The following DPYD variants were observed in gnomAD, a reference collection of about 807,000 sequenced individuals.
DPYD encodes dihydropyrimidine dehydrogenase.
In DPYD, 109 loss-of-function variants were observed where a neutral mutation model predicts 116.2. The ratio of observed to expected loss-of-function variants is 0.94; its 90% confidence interval spans 0.80 to 1.10. The LOEUF is 1.10. Ranked by LOEUF, DPYD falls within the 50% of genes least tolerant of loss-of-function variation. The pLI is 0.00. For synonymous variants in DPYD, 440 were observed against 432.0 expected, an observed-to-expected ratio of 1.02 and a Z score of -0.23; for missense variants, 1,302 against 1,254.5, an observed-to-expected ratio of 1.04 and a Z score of -0.57.
intron 4 of DPYD, among the ~76,000 whole-genome samples, chr1:97,735,730 A>AT (rs1663906349): frequency 6.7e-6 from 1 of 150,160 alleles, no homozygotes; most frequent in African/African-American, 2.4e-5. Flanking sequence ...AAATAAATAA[A>AT]ACAATAAAAG....
chr1:97,354,849 C>T (rs1670342667), intron 16 of DPYD, among the ~76,000 whole-genome samples: 1 of 152,120 alleles, frequency 6.6e-6, no homozygotes, highest in Non-Finnish European at 1.5e-5. Context: ...TACTGAATAC[C>T]TGCCATGTAT....
intron 1 of DPYD, among the ~76,000 whole-genome samples, chr1:97,907,533 G>A (rs1673698888): frequency 6.6e-6 from 1 of 152,010 alleles, no homozygotes; most frequent in Non-Finnish European, 1.5e-5. Context: ...GACTTTAATA[G>A]CATATTTAGG....
rs904858846 is a variant in DPYD, at chr1:97,301,013, A to T, written c.2299+4246T>A. Reference sequence around the variant, plus strand: ...CCTATGTTGGATTTACAATGAAAACACCTTTAGGAAGCTAGTAACCATACA... The same window carrying T: ...CCTATGTTGGATTTACAATGAAAACTCCTTTAGGAAGCTAGTAACCATACA... On this transcript the variant is annotated intron_variant, in intron 18 of 22. Coordinates refer to ENST00000370192, the MANE Select transcript of DPYD (RefSeq NM_000110.4). Among the ~76,000 whole-genome samples, 31 of 151,970 alleles carry T rather than the reference A, an allele frequency of 2.0e-4. 1 individual carries two copies. The highest frequency in any genetic ancestry group is 7.5e-4 in the African/African-American group (31 of 41,422).
rs1269506595 is a variant in DPYD, at chr1:97,871,450, T to C, written c.150+11814A>G. 7.2e-5 allele frequency among the ~76,000 whole-genome samples: 11 copies of C among 151,886 alleles called. No homozygotes were observed. In the East Asian group the frequency reaches 1.8e-3, roughly 24 times the overall value. On this transcript the variant is annotated intron_variant, in intron 2 of 22. Transcript: ENST00000370192. ...GAACACATTTCAGGTTAGCAGTTAGTAGCCCTGCAGGAGCTCACACAAGAG... is the reference window on the plus strand; with the variant it reads ...GAACACATTTCAGGTTAGCAGTTAGCAGCCCTGCAGGAGCTCACACAAGAG...
At chr1:97,183,447 A>G (rs950070142) in intron 20 of DPYD, among the ~76,000 whole-genome samples, 9 of 152,044 alleles carry the variant, frequency 5.9e-5, no homozygotes, top group Non-Finnish European at 1.2e-4. Context: ...CTTTCTATCC[A>G]TTACATTGAT....
chr1:97,464,395 C>T (rs974831092), intron 13 of DPYD, among the ~76,000 whole-genome samples: 5 of 152,154 alleles, frequency 3.3e-5, no homozygotes, highest in Admixed American at 6.5e-5. Context: ...GAGCCAAATG[C>T]TAATCCCAAA....
At chr1:97,494,621 T>C (rs952729549) in intron 13 of DPYD, among the ~76,000 whole-genome samples, 4 of 152,006 alleles carry the variant, frequency 2.6e-5, no homozygotes, top group East Asian at 3.9e-4. Context: ...CACACTCCTG[T>C]AGTCCCAGCT....
chr1:97,171,968 T>C (rs1346582412), intron 20 of DPYD, among the ~76,000 whole-genome samples: 1 of 152,178 alleles, frequency 6.6e-6, no homozygotes, highest in Non-Finnish European at 1.5e-5. Context: ...AGGTGTAAGA[T>C]AAAGCTCACT....
rs146677753 is a variant in DPYD, at chr1:97,700,164, C to A, written c.484-617G>T. On this transcript the variant is annotated intron_variant, in intron 5 of 22. Coordinates refer to ENST00000370192, the MANE Select transcript of DPYD (RefSeq NM_000110.4). ...AGTTAAGTGACCAGAAGTCACTTTTCCCCTGAGGGATTTGCGACTTCTTAC... is the reference window on the plus strand; with the variant it reads ...AGTTAAGTGACCAGAAGTCACTTTTACCCTGAGGGATTTGCGACTTCTTAC... The A allele has an allele frequency of 6.8e-4, 309 of 453,276 alleles. 1 individual carries two copies. Among genetic ancestry groups the A allele is most frequent in the Middle Eastern group, 4.9e-3 (15 of 3,052 alleles). 28.1% of individuals were successfully genotyped at this position (453,276 alleles called of 1,614,324 possible).
At chr1:97,716,434 T>TA (rs1194584285) in intron 5 of DPYD, among the ~76,000 whole-genome samples, 2 of 151,816 alleles carry the variant, frequency 1.3e-5, no homozygotes, top group Admixed American at 6.6e-5. Context: ...TAGACCAATG[T>TA]AAAAAAAATA....
intron 15 of DPYD, among the ~76,000 whole-genome samples, chr1:97,381,247 T>C (rs1671944137): frequency 6.6e-6 from 1 of 152,148 alleles, no homozygotes; most frequent in African/African-American, 2.4e-5. Context: ...AAAATATCTT[T>C]AGGTTAGCTA....
chr1:97,140,513 T>A (rs1455155660), intron 20 of DPYD, among the ~76,000 whole-genome samples: 1 of 152,082 alleles, frequency 6.6e-6, no homozygotes, highest in Non-Finnish European at 1.5e-5. Flanking sequence ...CTGCCCTGAT[T>A]GCATCAATAT....
At chr1:97,563,429 T>C (rs1652304132) in intron 11 of DPYD, among the ~76,000 whole-genome samples, 1 of 152,248 alleles carries the variant, frequency 6.6e-6, no homozygotes, top group Non-Finnish European at 1.5e-5. Flanking sequence ...CTATGTTTTA[T>C]GATTTCTGTT....
chr1:97,629,880 AAAT>A (rs1279918416), intron 8 of DPYD, among the ~76,000 whole-genome samples: 3 of 152,024 alleles, frequency 2.0e-5, no homozygotes, highest in Non-Finnish European at 4.4e-5. Context: ...GAATTGAATA[AAAT>A]AATACAAATA....
intron 21 of DPYD, among the ~76,000 whole-genome samples, chr1:97,090,246 T>TTTTC (rs2101577180): frequency 6.6e-6 from 1 of 152,262 alleles, no homozygotes; most frequent in East Asian, 1.9e-4. Context: ...GCCACCTTCC[T>TTTTC]TTTCTTTCTT....
intron 13 of DPYD, 147 bp downstream of exon 13, chr1:97,515,579 G>T (rs2101974313): frequency 2.7e-6 from 2 of 731,340 alleles, no homozygotes; most frequent in Middle Eastern, 4.0e-4. Flanking sequence ...AGGAAGGAAA[G>T]AAACTAAAGA....
At chr1:97,140,764 C>A (rs1181380255) in intron 20 of DPYD, among the ~76,000 whole-genome samples, 1 of 152,106 alleles carries the variant, frequency 6.6e-6, no homozygotes, top group African/African-American at 2.4e-5. Flanking sequence ...AGTTTCCTGG[C>A]TGGACTCTTT....
chr1:97,185,762 A>C (rs943394565), intron 20 of DPYD, among the ~76,000 whole-genome samples: 1 of 152,186 alleles, frequency 6.6e-6, no homozygotes, highest in Non-Finnish European at 1.5e-5. Context: ...AAAAAACATG[A>C]ACAAACTAAT....
At chr1:97,259,433 G>A (rs1213957247) in intron 18 of DPYD, among the ~76,000 whole-genome samples, 3 of 152,002 alleles carry the variant, frequency 2.0e-5, no homozygotes, top group Non-Finnish European at 4.4e-5. Flanking sequence ...GAGTACAGTG[G>A]TGTGATCAAT....
Sources: gnomAD v4.1 joint callset for allele counts (sites outside exome capture counted in the v4.1 genomes callset) on GRCh38, gnomAD v4.1.1 for gene constraint, MANE v1.5 for transcripts, NCBI Gene and HGNC (gene_info 2026-07-23, HGNC 2026-07-21) for gene names.